The following ZNF385D variants were observed in gnomAD, a reference collection of about 807,000 sequenced individuals.
ZNF385D encodes zinc finger protein 385D, also known as zinc finger protein 659.
ZNF385D carries 15 observed loss-of-function variants against 35.8 expected under a neutral mutation model. That is an observed-to-expected ratio of 0.42 (90% CI 0.28 to 0.64). The LOEUF is 0.64. Ranked by LOEUF, ZNF385D falls within the 30% of genes least tolerant of loss-of-function variation. ZNF385D has a pLI of 0.23. For missense variants in ZNF385D, 474 were observed against 494.6 expected (o/e 0.96, Z 0.39); for synonymous variants, 212 against 186.8 (o/e 1.13, Z -1.10).
intron 2 of ZNF385D, among the ~76,000 whole-genome samples, chr3:21,632,553 G>A (rs911633333): frequency 6.6e-6 from 1 of 152,148 alleles, no homozygotes; most frequent in Non-Finnish European, 1.5e-5. Flanking sequence ...CCAAAGGAAT[G>A]CAGTTAAGGG....
At chr3:21,570,797 G>GTAATATTCATCATA (rs1473689572) in intron 2 of ZNF385D, among the ~76,000 whole-genome samples, 4 of 152,070 alleles carry the variant, frequency 2.6e-5, no homozygotes, top group Non-Finnish European at 5.9e-5. Context: ...ATCAAGCTTT[G>GTAATATTCATCATA]TAATATTCAT....
intron 3 of ZNF385D, among the ~76,000 whole-genome samples, chr3:21,556,068 G>GTTTTTTTTTTTTTTTTTTTTTTTATTTTT (rs148079775): frequency 3.0e-5 from 3 of 99,054 alleles, no homozygotes; most frequent in African/African-American, 8.1e-5. Context: ...TTTTGTTTTT[G>GTTTTTTTTTTTTTTTTTTTTTTTATTTTT]TTTTTTTTTT....
In ZNF385D at chr3:21,961,258, G is replaced by T. The variant is rs574471133; in HGVS notation, c.325+207559C>A. Among the ~76,000 whole-genome samples the T allele has an allele frequency of 2.0e-4, 30 of 152,138 alleles. 1 individual carries two copies. The South Asian group carries it at 3.1e-3, about 16-fold the overall frequency. ...AATGAATGCCTGGAATATAAAAAAG[G>T]TCTTGGTATTTGGATATTAAATAAA... On this transcript the variant is annotated intron_variant, in intron 3 of 5. Coordinates refer to the ZNF385D transcript ENST00000494108.
At position 21,778,923 on chromosome 3, in the gene ZNF385D, C is replaced by A. The variant is rs548265963; in HGVS notation, c.326-113895G>T. ...ATGAGGACCAGGTCCTATTAATATCCCTGCTTTTCTAAAGACAACAAACCT... is the reference window on the plus strand; with the variant it reads ...ATGAGGACCAGGTCCTATTAATATCACTGCTTTTCTAAAGACAACAAACCT... On this transcript the variant is annotated intron_variant, in intron 3 of 5. Transcript: ENST00000494108. Among the ~76,000 whole-genome samples the A allele has an allele frequency of 4.9e-4, 75 of 151,976 alleles. 1 individual carries two copies. Among genetic ancestry groups the A allele is most frequent in the African/African-American group, 1.8e-3 (73 of 41,494 alleles).
At position 21,826,567 on chromosome 3, in the gene ZNF385D, A is replaced by G. The variant is rs1267007169; in HGVS notation, c.326-161539T>C. On this transcript the variant is annotated intron_variant, in intron 3 of 5. Coordinates refer to the ZNF385D transcript ENST00000494108. ...TCATTCCTTTTTTTAGAAAGTGTGA[A>G]TGATAGTAACTTTTGCCACCGTTCA... Among the ~76,000 whole-genome samples, 4 of 152,154 alleles carry G rather than the reference A, an allele frequency of 2.6e-5. No homozygotes were observed. The East Asian group carries it at 5.8e-4, about 22-fold the overall frequency.
intron 3 of ZNF385D, among the ~76,000 whole-genome samples, chr3:21,909,281 C>T (rs1409831413): frequency 6.6e-6 from 1 of 152,054 alleles, no homozygotes; most frequent in African/African-American, 2.4e-5. Flanking sequence ...AAAATACAAG[C>T]TTCCTCCTGC....
chr3:22,176,909 C>T (rs938289653), intron 2 of ZNF385D, among the ~76,000 whole-genome samples: 2 of 152,154 alleles, frequency 1.3e-5, no homozygotes, highest in African/African-American at 2.4e-5. Context: ...AATAATAGAT[C>T]AGATATGTCT....
chr3:22,170,167 G>A (rs891269076), intron 2 of ZNF385D, among the ~76,000 whole-genome samples: 3 of 152,132 alleles, frequency 2.0e-5, no homozygotes, highest in Non-Finnish European at 4.4e-5. Context: ...AAAAATATTA[G>A]CAGAGAAAAA....
chr3:21,945,821 T>C (rs538398978), intron 3 of ZNF385D, among the ~76,000 whole-genome samples: 6 of 151,014 alleles, frequency 4.0e-5, no homozygotes, highest in Admixed American at 1.3e-4. Flanking sequence ...ATGAAGCTGA[T>C]GAACTCATAT....
At chr3:21,850,493 C>T (rs988459136) in intron 3 of ZNF385D, among the ~76,000 whole-genome samples, 2 of 151,968 alleles carry the variant, frequency 1.3e-5, no homozygotes, top group Non-Finnish European at 2.9e-5. Flanking sequence ...GCAAAAGATA[C>T]AAAAGAAGGG....
intron 3 of ZNF385D, among the ~76,000 whole-genome samples, chr3:21,874,910 A>T (rs980104184): frequency 6.6e-6 from 1 of 152,066 alleles, no homozygotes; most frequent in African/African-American, 2.4e-5. Context: ...TTCTTTTAGC[A>T]AAGCTTTATA....
chr3:21,707,967 G>A (rs1462412946), intron 1 of ZNF385D, among the ~76,000 whole-genome samples: 3 of 152,150 alleles, frequency 2.0e-5, no homozygotes, highest in Admixed American at 2.0e-4. Context: ...CAGACAGCTG[G>A]ATGTTTTAGT....
At chr3:21,933,412 A>G (rs917767133) in intron 3 of ZNF385D, among the ~76,000 whole-genome samples, 2 of 152,176 alleles carry the variant, frequency 1.3e-5, no homozygotes, top group African/African-American at 2.4e-5. Flanking sequence ...CTAGTTTAAA[A>G]TATTAATACA....
At chr3:21,837,035 T>TA (rs1200964301) in intron 3 of ZNF385D, among the ~76,000 whole-genome samples, 1 of 152,120 alleles carries the variant, frequency 6.6e-6, no homozygotes, top group Non-Finnish European at 1.5e-5. Flanking sequence ...AAAAGGGCTG[T>TA]AAAAAATTCA....
intron 3 of ZNF385D, among the ~76,000 whole-genome samples, chr3:21,939,580 A>G (rs116536254): frequency 0.011 from 1,619 of 152,340 alleles, 29 homozygotes; most frequent in African/African-American, 0.037. Context: ...TAAATATAGT[A>G]TAGAAGGAAT....
At chr3:22,042,642 AC>A (rs1363460655) in intron 3 of ZNF385D, among the ~76,000 whole-genome samples, 1 of 152,064 alleles carries the variant, frequency 6.6e-6, no homozygotes, top group Non-Finnish European at 1.5e-5. Context: ...CCCATAAAAC[AC>A]CCATTGCTTC....
chr3:22,168,116 C>G (rs1262138901), intron 3 of ZNF385D, among the ~76,000 whole-genome samples: 1 of 152,130 alleles, frequency 6.6e-6, no homozygotes. Flanking sequence ...AAACATGAAA[C>G]ATCTGATCAC....
intron 3 of ZNF385D, among the ~76,000 whole-genome samples, chr3:22,133,253 C>A (rs1206607258): frequency 6.6e-6 from 1 of 151,976 alleles, no homozygotes; most frequent in Non-Finnish European, 1.5e-5. Context: ...TTTTTAATTT[C>A]ACAAGAAAAT....
At chr3:22,123,370 G>A (rs898367998) in intron 3 of ZNF385D, among the ~76,000 whole-genome samples, 116 of 152,018 alleles carry the variant, frequency 7.6e-4, no homozygotes, top group African/African-American at 2.7e-3. Context: ...TATATTTACG[G>A]GATATTTTGG....
Sources: gnomAD v4.1 joint callset for allele counts (sites outside exome capture counted in the v4.1 genomes callset) on GRCh38, gnomAD v4.1.1 for gene constraint, MANE v1.5 for transcripts, NCBI Gene and HGNC (gene_info 2026-07-23, HGNC 2026-07-21) for gene names.